CSMD3: variants seen among roughly 807,000 people sequenced by gnomAD.
The protein encoded by CSMD3 is CUB and Sushi multiple domains 3.
CSMD3 carries 177 observed loss-of-function variants against 435.2 expected under a neutral mutation model. That is an observed-to-expected ratio of 0.41 (90% confidence interval 0.36 to 0.46). The LOEUF (loss-of-function observed/expected upper bound fraction) is 0.46. Ranked by LOEUF, CSMD3 falls within the 20% of genes least tolerant of loss-of-function variation. The pLI is 0.34. For missense variants in CSMD3, 4,265 were observed against 4,504.6 expected (o/e 0.95, Z 1.52); for synonymous variants, 1,656 against 1,520.5 (o/e 1.09, Z -2.07).
intron 32 of CSMD3, among the ~76,000 whole-genome samples, chr8:112,410,704 ATATATATATATG>A (rs1811230205): frequency 1.2e-4 from 14 of 116,026 alleles, no homozygotes; most frequent in East Asian, 4.8e-4. Context: ...ATATATGTGT[ATATATATATATG>A]TATATATATA....
chr8:112,362,047 T>C (rs1353668246), intron 38 of CSMD3, among the ~76,000 whole-genome samples: 1 of 151,908 alleles, frequency 6.6e-6, no homozygotes, highest in Non-Finnish European at 1.5e-5. Context: ...ATTATAAAGA[T>C]AAGAGTTCAA....
At chr8:113,424,742 A>G (rs534893222) in intron 1 of CSMD3, among the ~76,000 whole-genome samples, 1 of 151,714 alleles carries the variant, frequency 6.6e-6, no homozygotes, top group South Asian at 2.1e-4. Flanking sequence ...AAACATTTTA[A>G]TTGGAAATTA....
intron 11 of CSMD3, among the ~76,000 whole-genome samples, chr8:112,840,395 A>C (rs1312670576): frequency 6.6e-6 from 1 of 151,588 alleles, no homozygotes; most frequent in Non-Finnish European, 1.5e-5. Context: ...TTTTCATTGT[A>C]TTATTGTGGT....
chr8:113,355,800 A>C (rs2094222436), intron 1 of CSMD3, among the ~76,000 whole-genome samples: 1 of 59,392 alleles, frequency 1.7e-5, no homozygotes, highest in Non-Finnish European at 3.8e-5. Context: ...TGTGTTTGTC[A>C]ACTATACATT....
In CSMD3 at chr8:112,827,164, A is replaced by ATATATATATATAT. The variant is rs1564000272; in HGVS notation, c.1859+2521_1859+2522insATATATATATATA. Reference sequence around the variant, plus strand: ...TTCTGTATTTTACTAGGTTACCATAAATATATATATATATATATATATATA... The same window carrying ATATATATATATAT: ...TTCTGTATTTTACTAGGTTACCATAATATATATATATATATATATATATATATATATATATATA... On this transcript the variant is annotated intron_variant, in intron 12 of 70. Coordinates refer to ENST00000297405, the MANE Select transcript of CSMD3 (RefSeq NM_198123.2). Among the ~76,000 whole-genome samples the ATATATATATATAT allele has an allele frequency of 2.3e-3, 191 of 82,800 alleles. 32 individuals are homozygous for ATATATATATATAT. The highest frequency in any genetic ancestry group is 6.1e-3 in the East Asian group (10 of 1,646). 54.3% of individuals were successfully genotyped at this position (82,800 alleles called of 152,430 possible).
chr8:113,293,366 C>G (rs939201831), intron 2 of CSMD3, among the ~76,000 whole-genome samples: 1 of 151,960 alleles, frequency 6.6e-6, no homozygotes, highest in Non-Finnish European at 1.5e-5. Context: ...TCTCCTTTCT[C>G]TCTTCCTTTC....
At chr8:112,689,730 G>A (rs2076090713) in intron 14 of CSMD3, 138 bp downstream of exon 14, 3 of 689,970 alleles carry the variant, frequency 4.3e-6, no homozygotes, top group Non-Finnish European at 5.0e-6. Context: ...AAGCACACTT[G>A]TTAAAGATAG....
intron 58 of CSMD3, 143 bp from the exon 59 acceptor site, chr8:112,281,493 T>C (rs1818637843): frequency 1.2e-5 from 8 of 665,798 alleles, no homozygotes; most frequent in Non-Finnish European, 2.1e-5. Context: ...ATCTAGGTAG[T>C]TGAAATTCAA....
At chr8:113,002,531 C>G (rs999568163) in intron 6 of CSMD3, among the ~76,000 whole-genome samples, 85 of 152,076 alleles carry the variant, frequency 5.6e-4, no homozygotes, top group Non-Finnish European at 1.0e-4. Context: ...GAAATAATCA[C>G]TTGGACTTAA....
chr8:113,098,289 A>T (rs2090223931), intron 5 of CSMD3, among the ~76,000 whole-genome samples: 1 of 152,046 alleles, frequency 6.6e-6, no homozygotes, highest in Non-Finnish European at 1.5e-5. Flanking sequence ...TTACTTTAAA[A>T]ATATTATGTC....
At chr8:113,046,951 G>T (rs1008344488) in intron 5 of CSMD3, among the ~76,000 whole-genome samples, 1 of 152,174 alleles carries the variant, frequency 6.6e-6, no homozygotes, top group Non-Finnish European at 1.5e-5. Flanking sequence ...TTTATTCTGC[G>T]TCTCTGTTCT....
chr8:112,626,307 T>C (rs1834470583), intron 22 of CSMD3, among the ~76,000 whole-genome samples: 1 of 152,120 alleles, frequency 6.6e-6, no homozygotes, highest in African/African-American at 2.4e-5. Flanking sequence ...GCACTGTTAC[T>C]AATTTATAGT....
intron 3 of CSMD3, among the ~76,000 whole-genome samples, chr8:113,189,167 T>G (rs1048896937): frequency 4.0e-5 from 6 of 151,878 alleles, no homozygotes; most frequent in African/African-American, 1.2e-4. Context: ...TTTTACCTTT[T>G]TAAGCATTAT....
At chr8:112,791,238 A>T (rs1279202989) in intron 13 of CSMD3, among the ~76,000 whole-genome samples, 4 of 148,046 alleles carry the variant, frequency 2.7e-5, no homozygotes, top group African/African-American at 9.9e-5. Context: ...TAGGAGGATT[A>T]CTTGAGGATC....
intron 47 of CSMD3, among the ~76,000 whole-genome samples, chr8:112,315,134 A>G (rs1412043990): frequency 6.6e-6 from 1 of 151,986 alleles, no homozygotes; most frequent in Non-Finnish European, 1.5e-5. Context: ...TGAGGATTTA[A>G]CACAGTTCTG....
intron 17 of CSMD3, among the ~76,000 whole-genome samples, chr8:112,664,796 A>AT (rs2075479151): frequency 6.6e-6 from 1 of 152,162 alleles, no homozygotes; most frequent in African/African-American, 2.4e-5. Context: ...AGCCATCTAC[A>AT]AGGCAAAGGG....
In CSMD3 at chr8:112,720,912, A is replaced by C. The variant is rs1563892774; in HGVS notation, c.1973-30862T>G. On this transcript the variant is annotated intron_variant, in intron 13 of 70. Transcript: ENST00000297405. ...AAATTTGTATGACTTTAGTATTCTG[A>C]AATTATCAGTTTGGAATGTATCCTC... 2.0e-5 allele frequency among the ~76,000 whole-genome samples: 3 copies of C among 152,306 alleles called. No individual in the cohort carries two copies. The East Asian group carries it at 5.8e-4, about 29-fold the overall frequency.
chr8:112,352,655 G>A (rs756352566), intron 38 of CSMD3, 121 bp from the exon 39 acceptor site: 58 of 838,206 alleles, frequency 6.9e-5, no homozygotes, highest in African/African-American at 1.5e-4. Flanking sequence ...ATATTGAGAC[G>A]TTGAGAACGT....
intron 10 of CSMD3, among the ~76,000 whole-genome samples, chr8:112,893,273 T>C (rs1362678931): frequency 1.3e-5 from 2 of 151,474 alleles, no homozygotes; most frequent in South Asian, 2.1e-4. Context: ...TTTAGTTAGA[T>C]TCAATGTACA....
Sources: allele counts gnomAD v4.1 joint callset (sites outside exome capture counted in the v4.1 genomes callset), GRCh38; gene constraint gnomAD v4.1.1; transcripts MANE v1.5; gene names NCBI Gene and HGNC (gene_info 2026-07-23, HGNC 2026-07-21).